Variants in ESYT2 observed in about 807,000 individuals in gnomAD.
The protein encoded by ESYT2 is extended synaptotagmin-2.
In ESYT2, 54 loss-of-function variants were observed where a neutral mutation model predicts 107.2. The ratio of observed to expected loss-of-function variants is 0.50; its 90% CI spans 0.40 to 0.63. The LOEUF is 0.63. Among genes scored for constraint, ESYT2 ranks in the 30% least tolerant of loss-of-function variants. ESYT2 has a pLI of 0.00. For missense variants in ESYT2, 1,020 were observed against 1,094.5 expected (o/e 0.93, Z 0.96); for synonymous variants, 491 against 434.1 (o/e 1.13, Z -1.63).
chr7:158,800,501 C>G (rs1246236915), intron 1 of ESYT2, among the ~76,000 whole-genome samples: 1 of 151,996 alleles, frequency 6.6e-6, no homozygotes, highest in African/African-American at 2.4e-5. Flanking sequence ...GTGATCCTCC[C>G]GCCTCAGCTT....
intron 1 of ESYT2, among the ~76,000 whole-genome samples, chr7:158,825,712 A>G (rs1840419956): frequency 1.3e-5 from 2 of 152,264 alleles, no homozygotes; most frequent in Admixed American, 1.3e-4. Flanking sequence ...GGAAATTAGT[A>G]TCTCCTTAAT....
At chr7:158,781,934 AGTGTAAGAACGAGAACAAG>A (rs1838846843) in intron 6 of ESYT2, among the ~76,000 whole-genome samples, 1 of 151,538 alleles carries the variant, frequency 6.6e-6, no homozygotes, top group Non-Finnish European at 1.5e-5. Context: ...GAAAGGTATG[AGTGTAAGAACGAGAACAAG>A]TGTGAACGAG....
At chr7:158,757,762 T>TG (rs934584976) in intron 13 of ESYT2, among the ~76,000 whole-genome samples, 12 of 151,054 alleles carry the variant, frequency 7.9e-5, no homozygotes, top group Non-Finnish European at 1.3e-4. Context: ...GGGTTTTTTT[T>TG]TTTTTGTTTT....
At chr7:158,755,895 A>G (rs1837738468) in intron 13 of ESYT2, among the ~76,000 whole-genome samples, 1 of 152,212 alleles carries the variant, frequency 6.6e-6, no homozygotes, top group African/African-American at 2.4e-5. Context: ...GAGCGATAGC[A>G]TTAGGAGAAA....
chr7:158,739,363 T>G (rs7804548), intron 18 of ESYT2, among the ~76,000 whole-genome samples: 2 of 152,046 alleles, frequency 1.3e-5, no homozygotes, highest in Non-Finnish European at 2.9e-5. Flanking sequence ...TTTTGTTTTT[T>G]GAGACGGAGT....
chr7:158,813,984 T>C (rs10263059), intron 1 of ESYT2, among the ~76,000 whole-genome samples: 19,824 of 150,236 alleles, frequency 0.13, 2,260 homozygotes, highest in East Asian at 0.55. Flanking sequence ...TAAAAATATA[T>C]GTTACTCAGG....
At chr7:158,767,976 AATTT>A (rs1459167001) in intron 7 of ESYT2, among the ~76,000 whole-genome samples, 2 of 152,218 alleles carry the variant, frequency 1.3e-5, no homozygotes, top group African/African-American at 2.4e-5. Context: ...TATGATACAG[AATTT>A]ATTTATAGAA....
chr7:158,761,097 G>A (rs548675302), intron 11 of ESYT2, among the ~76,000 whole-genome samples: 62 of 152,228 alleles, frequency 4.1e-4, no homozygotes, highest in Non-Finnish European at 4.3e-4. Flanking sequence ...CATCTCTCAC[G>A]TGAGATGCCT....
chr7:158,735,675 G>A, intron 20 of ESYT2, 67 bp from the exon 21 acceptor site: 3 of 1,329,632 alleles, frequency 2.3e-6, no homozygotes, highest in Non-Finnish European at 3.2e-6. Context: ...ACTAAAAATG[G>A]CATTTCTGCT....
chr7:158,776,863 T>C (rs1016865861), intron 6 of ESYT2, among the ~76,000 whole-genome samples: 15 of 151,972 alleles, frequency 9.9e-5, no homozygotes, highest in Non-Finnish European at 1.9e-4. Flanking sequence ...CGCTTTTTTT[T>C]TTTTTTTGAG....
At chr7:158,828,537 T>C (rs1425505606) in intron 1 of ESYT2, among the ~76,000 whole-genome samples, 1 of 151,774 alleles carries the variant, frequency 6.6e-6, no homozygotes, top group Non-Finnish European at 1.5e-5. Flanking sequence ...GCGGGCTTTG[T>C]GAAGAGGGGT....
chr7:158,782,605 C>T (rs1838943885), intron 6 of ESYT2, among the ~76,000 whole-genome samples: 1 of 151,348 alleles, frequency 6.6e-6, no homozygotes. Flanking sequence ...GGAACAAGAG[C>T]GTGTGACAAA....
At chr7:158,820,794 A>G (rs1840267200) in intron 1 of ESYT2, among the ~76,000 whole-genome samples, 3 of 152,222 alleles carry the variant, frequency 2.0e-5, no homozygotes, top group Non-Finnish European at 4.4e-5. Context: ...TCAAAAAATA[A>G]ATAAATAAAA....
In ESYT2 at chr7:158,731,146, C is replaced by T. The variant is rs17837836; in HGVS notation, c.*3061G>A. The T allele has an allele frequency of 0.11, 16,214 of 152,080 alleles. 916 individuals carry two copies. The highest frequency in any genetic ancestry group is 0.14 in the African/African-American group (5,966 of 41,450). The allele number at this position is 152,080 out of a possible 1,614,324, so 9.4% of individuals were successfully genotyped here. A position where few individuals can be genotyped will look rare whatever the true frequency, so the allele number is the denominator to read the frequency against. On this transcript the variant is annotated 3_prime_UTR_variant, in exon 23 of 23. Transcript: ENST00000275418. ...GGTCCAGCTGGAGGTGGAATAAATGCGGCAACCACAGAAAAAACACACAGC... is the reference window on the plus strand; with the variant it reads ...GGTCCAGCTGGAGGTGGAATAAATGTGGCAACCACAGAAAAAACACACAGC...
At chr7:158,814,700 C>T (rs1015773848) in intron 1 of ESYT2, among the ~76,000 whole-genome samples, 1 of 152,194 alleles carries the variant, frequency 6.6e-6, no homozygotes, top group Non-Finnish European at 1.5e-5. Flanking sequence ...AGTAACCTGC[C>T]ACCACCCTGG....
intron 11 of ESYT2, 127 bp from the exon 12 acceptor site, chr7:158,760,274 G>A (rs1837914238): frequency 3.3e-5 from 26 of 782,016 alleles, no homozygotes; most frequent in East Asian, 2.6e-5. Context: ...TCAGTAACGC[G>A]AAGGCTGAGC....
rs558356092 is a variant in ESYT2, at chr7:158,758,548, T to C, written c.1419+938A>G. Among the ~76,000 whole-genome samples the C allele has an allele frequency of 3.3e-5, 5 of 152,270 alleles. No individual in the cohort carries two copies. In the South Asian group the frequency reaches 1.0e-3, roughly 32 times the overall value. On this transcript the variant is annotated intron_variant, in intron 13 of 22. Transcript: ENST00000275418. Reference sequence around the variant, plus strand: ...CACAGGAAGACGATTTATGTACAAATGCACTTGGGTGGATGAGTATTTACT... The same window carrying C: ...CACAGGAAGACGATTTATGTACAAACGCACTTGGGTGGATGAGTATTTACT...
At chr7:158,744,933 T>C (rs1345695508) in intron 16 of ESYT2, among the ~76,000 whole-genome samples, 1 of 152,222 alleles carries the variant, frequency 6.6e-6, no homozygotes, top group East Asian at 1.9e-4. Context: ...AAAAATTATT[T>C]TTAAAATCCA....
chr7:158,800,724 CTTTTCTTTTCT>C (rs1394259235), intron 1 of ESYT2, among the ~76,000 whole-genome samples: 4 of 141,424 alleles, frequency 2.8e-5, no homozygotes, highest in Non-Finnish European at 4.6e-5. Context: ...TTTCTTTTTT[CTTTTCTTTTCT>C]TTTTTTTTTT....
Sources: allele counts gnomAD v4.1 joint callset (sites outside exome capture counted in the v4.1 genomes callset), GRCh38; gene constraint gnomAD v4.1.1; transcripts MANE v1.5; gene names NCBI Gene and HGNC (gene_info 2026-07-23, HGNC 2026-07-21).